Variants in UTRN observed in about 807,000 individuals in gnomAD.
The protein encoded by UTRN is dystrophin-related protein 1.
In UTRN, 283 loss-of-function variants were observed where a neutral mutation model predicts 463.9. The ratio of observed to expected loss-of-function variants is 0.61; its 90% CI spans 0.55 to 0.67. The LOEUF (loss-of-function observed/expected upper bound fraction) is 0.67, where lower values mean the gene tolerates loss of function less well. Ranked by LOEUF, UTRN falls within the 30% of genes least tolerant of loss-of-function variation. UTRN has a pLI of 0.00. For synonymous variants in UTRN, 1,442 were observed against 1,431.5 expected (o/e 1.01, Z -0.17); for missense variants, 3,922 against 4,084.3 (o/e 0.96, Z 1.08).
intron 51 of UTRN, among the ~76,000 whole-genome samples, chr6:144,601,574 C>G (rs181257148): frequency 1.7e-4 from 26 of 152,160 alleles, no homozygotes; most frequent in Admixed American, 5.2e-4. Context: ...AAAGTTGCCT[C>G]TAATGGATGA....
chr6:144,725,817 C>T (rs974570081), intron 53 of UTRN, among the ~76,000 whole-genome samples: 5 of 152,132 alleles, frequency 3.3e-5, no homozygotes, highest in African/African-American at 1.2e-4. Context: ...ATTAAATTTA[C>T]AAAACAGGAT....
chr6:144,603,205 C>A (rs1011792360), intron 51 of UTRN, among the ~76,000 whole-genome samples: 1 of 152,092 alleles, frequency 6.6e-6, no homozygotes, highest in Admixed American at 6.6e-5. Flanking sequence ...GTGTTCTGGA[C>A]AAATAGCTTT....
At chr6:144,724,958 A>G (rs1042259132) in intron 53 of UTRN, among the ~76,000 whole-genome samples, 3 of 152,294 alleles carry the variant, frequency 2.0e-5, no homozygotes, top group South Asian at 2.1e-4. Flanking sequence ...ACCTATGTGT[A>G]GAATTGCTGG....
At chr6:144,712,729 C>T (rs553010613) in intron 53 of UTRN, among the ~76,000 whole-genome samples, 1 of 152,286 alleles carries the variant, frequency 6.6e-6, no homozygotes, top group African/African-American at 2.4e-5. Context: ...TGCTGTAATA[C>T]AGGCATGGAC....
chr6:144,335,476 C>T (rs1776645307), intron 2 of UTRN, among the ~76,000 whole-genome samples: 1 of 152,228 alleles, frequency 6.6e-6, no homozygotes, highest in Non-Finnish European at 1.5e-5. Flanking sequence ...CTTCTCCTTT[C>T]CCCTTTTTGG....
In UTRN at chr6:144,747,216, A is replaced by C. The variant is rs750487093; in HGVS notation, c.7940-1030A>C. Reference sequence around the variant, plus strand: ...AGATGAGATGTTATCACAAAGAAGAATGTGTTTTCTGTCTCAAATTAATGT... The same window carrying C: ...AGATGAGATGTTATCACAAAGAAGACTGTGTTTTCTGTCTCAAATTAATGT... On this transcript the variant is annotated intron_variant, in intron 54 of 74. Transcript: ENST00000367545. 1.0e-3 allele frequency among the ~76,000 whole-genome samples: 153 copies of C among 152,188 alleles called. 3 individuals carry two copies. Among genetic ancestry groups the C allele is most frequent in the Non-Finnish European group, 2.8e-4 (19 of 68,036 alleles).
chr6:144,365,837 A>C (rs1044725602), intron 2 of UTRN, among the ~76,000 whole-genome samples: 1 of 152,186 alleles, frequency 6.6e-6, no homozygotes, highest in African/African-American at 2.4e-5. Context: ...TCCTGGGTTC[A>C]AGTGATTCTC....
At chr6:144,615,441 T>C (rs1171645250) in intron 51 of UTRN, among the ~76,000 whole-genome samples, 1 of 152,202 alleles carries the variant, frequency 6.6e-6, no homozygotes, top group African/African-American at 2.4e-5. Context: ...CTGGGAAGCC[T>C]ATCTCACTGC....
intron 58 of UTRN, among the ~76,000 whole-genome samples, chr6:144,766,093 A>G (rs2128730047): frequency 6.6e-6 from 1 of 152,064 alleles, no homozygotes; most frequent in East Asian, 1.9e-4. Flanking sequence ...TCCTCTCCCC[A>G]GGGGCTTTTC....
chr6:144,499,960 G>A (rs1049516110), intron 34 of UTRN, among the ~76,000 whole-genome samples: 2 of 152,136 alleles, frequency 1.3e-5, no homozygotes, highest in African/African-American at 4.8e-5. Flanking sequence ...CTTTTTTATG[G>A]TTGTATGGTA....
intron 46 of UTRN, 95 bp downstream of exon 46, chr6:144,542,965 ACGT>A (rs1798102006): frequency 5.0e-6 from 5 of 1,007,250 alleles, no homozygotes; most frequent in Non-Finnish European, 7.3e-6. Flanking sequence ...AGACTTAGAA[ACGT>A]CGTGCCATTT....
chr6:144,675,535 G>T (rs1027491263), intron 51 of UTRN, among the ~76,000 whole-genome samples: 2 of 152,146 alleles, frequency 1.3e-5, no homozygotes, highest in Non-Finnish European at 2.9e-5. Context: ...TCCTTCTTTG[G>T]AGCAGGGTTG....
At chr6:144,399,488 A>G (rs9496953) in intron 2 of UTRN, among the ~76,000 whole-genome samples, 9,460 of 152,228 alleles carry the variant, frequency 0.062, 1,000 homozygotes, top group African/African-American at 0.22. Context: ...AATAAAATCA[A>G]TCCAAGTTTA....
At chr6:144,514,405 A>G (rs1003591309) in intron 36 of UTRN, among the ~76,000 whole-genome samples, 7 of 152,114 alleles carry the variant, frequency 4.6e-5, no homozygotes, top group African/African-American at 1.4e-4. Context: ...GTACTCTCCA[A>G]TGAGTCTTAC....
chr6:144,775,523 C>T (rs547151394), intron 60 of UTRN, among the ~76,000 whole-genome samples: 1 of 152,170 alleles, frequency 6.6e-6, no homozygotes, highest in Non-Finnish European at 1.5e-5. Flanking sequence ...AAAGCCACCA[C>T]GCTCTGGCTA....
At chr6:144,536,298 T>C (rs1366615298) in intron 43 of UTRN, among the ~76,000 whole-genome samples, 1 of 152,178 alleles carries the variant, frequency 6.6e-6, no homozygotes, top group Non-Finnish European at 1.5e-5. Context: ...TCTTGAAACA[T>C]TGGACGTGAA....
At chr6:144,719,410 T>C (rs1373805596) in intron 53 of UTRN, among the ~76,000 whole-genome samples, 1 of 152,068 alleles carries the variant, frequency 6.6e-6, no homozygotes. Context: ...ACCCCATCTC[T>C]ACTAAAAATA....
At chr6:144,752,036 T>G (rs1791457411) in intron 56 of UTRN, 84 bp downstream of exon 56, 2 of 1,297,104 alleles carry the variant, frequency 1.5e-6, no homozygotes, top group Admixed American at 3.0e-5. Flanking sequence ...CACTCACCGT[T>G]TTCTCTTTCT....
chr6:144,473,492 G>T (rs1790876987), intron 23 of UTRN, among the ~76,000 whole-genome samples: 1 of 152,112 alleles, frequency 6.6e-6, no homozygotes, highest in Non-Finnish European at 1.5e-5. Context: ...GCTAGCGTTT[G>T]GAAATTTTTA....
Sources: allele counts gnomAD v4.1 joint callset (sites outside exome capture counted in the v4.1 genomes callset), GRCh38; gene constraint gnomAD v4.1.1; transcripts MANE v1.5; gene names NCBI Gene and HGNC (gene_info 2026-07-23, HGNC 2026-07-21).